TFEC: variants seen among roughly 807,000 people sequenced by gnomAD.
The protein encoded by TFEC is class E basic helix-loop-helix protein 34.
A neutral mutation model predicts 41.6 loss-of-function variants in TFEC; 31 were observed. That is an observed-to-expected ratio of 0.74 (90% CI 0.56 to 1.01). The LOEUF is 1.01. TFEC is among the 50% of genes least tolerant of loss of function. The pLI is 0.00. For missense variants in TFEC, 402 were observed against 404.1 expected (o/e 0.99, Z 0.04); for synonymous variants, 143 against 140.6 (o/e 1.02, Z -0.12).
At chr7:116,053,725 G>A (rs1395525168) in intron 3 of TFEC, among the ~76,000 whole-genome samples, 1 of 152,058 alleles carries the variant, frequency 6.6e-6, no homozygotes, top group African/African-American at 2.4e-5. Context: ...TGCCATCTCT[G>A]GACTCTCTAG....
At chr7:116,018,275 T>C (rs1795268409) in intron 1 of TFEC, among the ~76,000 whole-genome samples, 2 of 152,204 alleles carry the variant, frequency 1.3e-5, no homozygotes, top group South Asian at 4.1e-4. Flanking sequence ...GCAGGAAGTC[T>C]GATTCCAGAG....
chr7:115,945,075 T>C (rs1791457761), intron 6 of TFEC, among the ~76,000 whole-genome samples: 1 of 150,732 alleles, frequency 6.6e-6, no homozygotes, highest in Non-Finnish European at 1.5e-5. Context: ...ATTTTAATGG[T>C]TGTAGTCACC....
intron 1 of TFEC, among the ~76,000 whole-genome samples, chr7:116,126,236 C>A (rs1480852404): frequency 1.3e-5 from 2 of 152,142 alleles, no homozygotes; most frequent in African/African-American, 2.4e-5. Context: ...AAAACAATAT[C>A]TTTTATGAAA....
chr7:116,074,890 A>T (rs1796919738), intron 3 of TFEC, among the ~76,000 whole-genome samples: 1 of 152,222 alleles, frequency 6.6e-6, no homozygotes, highest in Non-Finnish European at 1.5e-5. Flanking sequence ...TGATAAACAG[A>T]TGAATAAAAT....
chr7:115,978,838 T>C (rs370788409), intron 2 of TFEC, among the ~76,000 whole-genome samples: 15 of 152,310 alleles, frequency 9.8e-5, no homozygotes, highest in Middle Eastern at 6.8e-3. Context: ...ACTTTACTTT[T>C]ATGGGCTTTC....
At chr7:116,034,159 T>G (rs1200422339), upstream of TFEC, among the ~76,000 whole-genome samples, 1 of 152,134 alleles carries the variant, frequency 6.6e-6, no homozygotes, top group Non-Finnish European at 1.5e-5. Context: ...CTTCTCAGTC[T>G]CCTTTGCTGT....
At chr7:116,129,108 A>G (rs1798276163) in intron 1 of TFEC, among the ~76,000 whole-genome samples, 1 of 152,206 alleles carries the variant, frequency 6.6e-6, no homozygotes, top group African/African-American at 2.4e-5. Context: ...AAAGACCAAT[A>G]AACCAGAAAT....
chr7:116,058,913 T>C (rs10953801), intron 3 of TFEC, among the ~76,000 whole-genome samples: 93,203 of 151,474 alleles, frequency 0.62, 29,229 homozygotes, highest in East Asian at 0.74. Context: ...GAATTTTTAG[T>C]ACTAAATGCC....
intron 1 of TFEC, among the ~76,000 whole-genome samples, chr7:116,128,628 T>C (rs926818585): frequency 4.6e-5 from 7 of 152,198 alleles, no homozygotes; most frequent in African/African-American, 1.4e-4. Context: ...GATCTGCACC[T>C]GTGCATGAAT....
At chr7:116,077,134 G>A (rs1411746014) in intron 3 of TFEC, among the ~76,000 whole-genome samples, 3 of 152,058 alleles carry the variant, frequency 2.0e-5, no homozygotes, top group African/African-American at 7.2e-5. Flanking sequence ...GCCACCTTAA[G>A]CAAAACTATT....
intron 1 of TFEC, among the ~76,000 whole-genome samples, chr7:116,158,708 T>C (rs1452946206): frequency 6.6e-6 from 1 of 152,094 alleles, no homozygotes; most frequent in African/African-American, 2.4e-5. Flanking sequence ...AATGTTAGGC[T>C]TTTTCTTTCT....
intron 3 of TFEC, among the ~76,000 whole-genome samples, chr7:116,043,317 T>A (rs371433580): frequency 1.3e-5 from 2 of 152,004 alleles, no homozygotes; most frequent in Non-Finnish European, 2.9e-5. Context: ...TGAAAAAAAA[T>A]TCCACCAATA....
At chr7:116,002,378 C>T (rs1054286268) in intron 1 of TFEC, among the ~76,000 whole-genome samples, 2 of 152,138 alleles carry the variant, frequency 1.3e-5, no homozygotes, top group South Asian at 2.1e-4. Flanking sequence ...TTTGCAACAG[C>T]ATGGACGGTG....
intron 3 of TFEC, among the ~76,000 whole-genome samples, chr7:116,058,692 G>A (rs115318738): frequency 3.3e-5 from 5 of 151,686 alleles, no homozygotes; most frequent in African/African-American, 7.2e-5. Context: ...TGCAAAATAC[G>A]TTCTCTCCAT....
chr7:115,975,029 T>C (rs1793318607), intron 2 of TFEC, among the ~76,000 whole-genome samples: 1 of 152,064 alleles, frequency 6.6e-6, no homozygotes, highest in African/African-American at 2.4e-5. Flanking sequence ...TTCAATAATT[T>C]GTCCCAGATT....
At chr7:116,151,162 GATCA>G (rs1355422020) in intron 1 of TFEC, among the ~76,000 whole-genome samples, 1 of 151,132 alleles carries the variant, frequency 6.6e-6, no homozygotes, top group East Asian at 1.9e-4. Flanking sequence ...TTAAAAGAAT[GATCA>G]ATCTTAAATT....
At chr7:115,943,200 CT>C (rs1793594187) in intron 6 of TFEC, among the ~76,000 whole-genome samples, 1 of 151,768 alleles carries the variant, frequency 6.6e-6, no homozygotes, top group African/African-American at 2.4e-5. Flanking sequence ...GCTATAATGG[CT>C]GTTGGTCTCA....
chr7:116,055,752 T>G (rs1284976172), intron 3 of TFEC, among the ~76,000 whole-genome samples: 3 of 151,978 alleles, frequency 2.0e-5, no homozygotes, highest in Non-Finnish European at 4.4e-5. Flanking sequence ...TTTCTGTAAA[T>G]AAGAAAATTA....
At chr7:116,048,383 G>A (rs935690316) in intron 3 of TFEC, among the ~76,000 whole-genome samples, 3 of 152,238 alleles carry the variant, frequency 2.0e-5, no homozygotes, top group African/African-American at 7.2e-5. Context: ...GGTTATCAGT[G>A]ATTGAAGATC....
Sources: allele counts gnomAD v4.1 joint callset (sites outside exome capture counted in the v4.1 genomes callset), GRCh38; gene constraint gnomAD v4.1.1; transcripts MANE v1.5; gene names NCBI Gene and HGNC (gene_info 2026-07-23, HGNC 2026-07-21).